Variants in PFN3 observed in about 807,000 individuals in gnomAD.
The protein encoded by PFN3 is profilin-3.
PFN3 carries 7 observed loss-of-function variants against 6.2 expected under a neutral mutation model. That is an observed-to-expected ratio of 1.13 (90% confidence interval 0.64 to 2.13). The LOEUF (loss-of-function observed/expected upper bound fraction) is 2.13. PFN3 is among the 30% of genes most tolerant of loss of function. The probability of loss-of-function intolerance (pLI) is 0.00; values close to 1 mark genes in which losing one functional copy is unlikely to be tolerated. For synonymous variants in PFN3, 112 were observed against 97.7 expected (o/e 1.15, Z -0.87); for missense variants, 251 against 209.3 (o/e 1.20, Z -1.23).
chr5:177,400,511 G>C lies in PFN3; in HGVS notation c.66C>G (p.Ile22Met). 1 of 1,596,490 alleles carries C rather than the reference G, an allele frequency of 6.3e-7. No homozygotes were observed. The highest frequency in any genetic ancestry group is 8.5e-7 in the Non-Finnish European group (1 of 1,178,782). The change falls in exon 1 of 1, where the codon ATC (isoleucine) becomes ATG (methionine). Residue 22 changes from isoleucine (I) to methionine (M), a missense_variant. By Grantham distance (10) the Ile-to-Met change is conservative (BLOSUM62 1). Coordinates refer to ENST00000358571, the MANE Select transcript of PFN3 (RefSeq NM_001029886.3). ...LRDQRIDDVAIVGHADNSCVW... is the reference protein window; with the variant it reads ...LRDQRIDDVAMVGHADNSCVW... ...CGCAGCTGTTGTCCGCATGGCCCAC[G>C]ATGGCCACGTCGTCGATGCGCTGGT...
rs761078037 is a variant in PFN3, at chr5:177,400,160, C to CGGCT, written c.413_*2dup. The CGGCT allele has an allele frequency of 3.1e-6, 5 of 1,610,744 alleles. No individual in the cohort carries two copies. In the Admixed American group the frequency reaches 5.0e-5, roughly 16 times the overall value. The stretch of plus-strand genomic sequence containing the variant: ...GCTACCAGTGGGCGGCCTGGCTGGC[C>CGGCT]GGCTAGGCGCCCTGCATGCGCAGCC... On this transcript the variant is annotated 3_prime_UTR_variant, in exon 1 of 1. Coordinates refer to ENST00000358571, the MANE Select transcript of PFN3 (RefSeq NM_001029886.3).
Position 177,400,657 on chromosome 5 carries a change from G to C in PFN3, c.-81C>G. The C allele has an allele frequency of 6.7e-7, 1 of 1,501,124 alleles. No individual in the cohort carries two copies. The highest frequency in any genetic ancestry group is 8.9e-7 in the Non-Finnish European group (1 of 1,125,606). 93.0% of individuals were successfully genotyped at this position (1,501,124 alleles called of 1,614,324 possible). ...ACGCGGGGAAGGCCTGCGGCGCTGTGAGGCAGGCTGGGCGGGGCTGTGACG... is the reference window on the plus strand; with the variant it reads ...ACGCGGGGAAGGCCTGCGGCGCTGTCAGGCAGGCTGGGCGGGGCTGTGACG... On this transcript the variant is annotated 5_prime_UTR_variant, in exon 1 of 1. Coordinates refer to ENST00000358571, the MANE Select transcript of PFN3 (RefSeq NM_001029886.3).
Position 177,400,408 on chromosome 5 carries a change from G to A in PFN3, c.169C>T (p.His57Tyr). ...CTCAGGCCCGCCTGCAGGAAGGTGT[G>A]CCTGTCCGGCCCCGTGAGCACGCCC... ...EVGVLTGPDR[H>Y]TFLQAGLSVG... The change falls in exon 1 of 1, where the codon CAC (histidine) becomes TAC (tyrosine). Residue 57 changes from histidine (H) to tyrosine (Y), a missense_variant. By Grantham distance (83) the His-to-Tyr change is moderately conservative (BLOSUM62 2). Transcript: ENST00000358571. 3 of 1,540,164 alleles carry A rather than the reference G, an allele frequency of 1.9e-6. No individual in the cohort carries two copies. The highest frequency in any genetic ancestry group is 2.6e-6 in the Non-Finnish European group (3 of 1,145,962).
In PFN3 at chr5:177,400,184, C is replaced by G. The variant is rs375629551; in HGVS notation, c.393G>C (p.Gly131=). 2 of 1,611,742 alleles carry G rather than the reference C, an allele frequency of 1.2e-6. No homozygotes were observed. The highest frequency in any genetic ancestry group is 1.7e-6 in the Non-Finnish European group (2 of 1,179,544). Residue 131 remains glycine, a synonymous_variant, in exon 1 of 1, where the codon GGG becomes GGC. Transcript: ENST00000358571. ...LNKTVHELIR[G]LRMQGA ...CCGGCTAGGCGCCCTGCATGCGCAG[C>G]CCGCGTATGAGTTCGTGCACCGTCT...
Position 177,400,520 on chromosome 5 carries a change from G to A in PFN3, c.57C>T (p.Asp19=). 6.3e-7 allele frequency: 1 copy of A among 1,596,992 alleles called. No individual in the cohort carries two copies. The highest frequency in any genetic ancestry group is 8.5e-7 in the Non-Finnish European group (1 of 1,179,044). Reference sequence around the variant, plus strand: ...TGTCCGCATGGCCCACGATGGCCACGTCGTCGATGCGCTGGTCCCGCAGCA... The same window carrying A: ...TGTCCGCATGGCCCACGATGGCCACATCGTCGATGCGCTGGTCCCGCAGCA... ...SAVLRDQRID[D]VAIVGHADNS... Residue 19 remains aspartate (D), a synonymous_variant, in exon 1 of 1, where the codon GAC becomes GAT. Transcript: ENST00000358571.
At position 177,400,159 on chromosome 5, in the gene PFN3, C is replaced by T; in HGVS notation, c.*4G>A. 6.2e-7 allele frequency: 1 copy of T among 1,610,728 alleles called. No homozygotes were observed. Among genetic ancestry groups the T allele is most frequent in the African/African-American group, 1.3e-5 (1 of 74,976 alleles). Reference sequence around the variant, plus strand: ...CGCTACCAGTGGGCGGCCTGGCTGGCCGGCTAGGCGCCCTGCATGCGCAGC... The same window carrying T: ...CGCTACCAGTGGGCGGCCTGGCTGGTCGGCTAGGCGCCCTGCATGCGCAGC... On this transcript the variant is annotated 3_prime_UTR_variant, in exon 1 of 1. Transcript: ENST00000358571.
chr5:177,400,655 G>A lies in PFN3; in HGVS notation c.-79C>T. 5 of 1,505,654 alleles carry A rather than the reference G, an allele frequency of 3.3e-6. No individual in the cohort carries two copies. Among genetic ancestry groups the A allele is most frequent in the Middle Eastern group, 2.3e-4 (1 of 4,352 alleles). The allele number at this position is 1,505,654 out of a possible 1,614,324, so 93.3% of individuals were successfully genotyped here. A position where few individuals can be genotyped will look rare whatever the true frequency, so the allele number is the denominator to read the frequency against. On this transcript the variant is annotated 5_prime_UTR_variant, in exon 1 of 1. Coordinates refer to ENST00000358571, the MANE Select transcript of PFN3 (RefSeq NM_001029886.3). ...CCACGCGGGGAAGGCCTGCGGCGCT[G>A]TGAGGCAGGCTGGGCGGGGCTGTGA...
At position 177,400,381 on chromosome 5, in the gene PFN3, C is replaced by T. The variant is rs750328302; in HGVS notation, c.196G>A (p.Val66Met). 7.6e-5 allele frequency: 117 copies of T among 1,538,254 alleles called. No individual in the cohort carries two copies. The highest frequency in any genetic ancestry group is 1.0e-4 in the Non-Finnish European group (115 of 1,143,498). Residue 66 changes from valine to methionine, a missense_variant, in exon 1 of 1, where the codon GTG becomes ATG. Val to Met is a conservative substitution (Grantham distance 21). Transcript: ENST00000358571. ...RHTFLQAGLS[V>M]GGRRCCVIRD... is the part of the protein sequence containing the mutation. Reference sequence around the variant, plus strand: ...ATGACGCAGCAGCGGCGGCCCCCCACGCTCAGGCCCGCCTGCAGGAAGGTG... The same window carrying T: ...ATGACGCAGCAGCGGCGGCCCCCCATGCTCAGGCCCGCCTGCAGGAAGGTG...
rs1443279806 is a variant in PFN3, at chr5:177,400,536, T to G, written c.41A>C (p.Asp14Ala). Residue 14 changes from aspartate to alanine, a missense_variant, in exon 1 of 1, where the codon GAC (aspartate) becomes GCC (alanine). Asp to Ala is a moderately radical substitution (Grantham distance 126). Coordinates refer to ENST00000358571, the MANE Select transcript of PFN3 (RefSeq NM_001029886.3). ...GATGGCCACGTCGTCGATGCGCTGG[T>G]CCCGCAGCACTGCACTGATGTAGAC... Reference protein sequence around the residue: ...WKVYISAVLRDQRIDDVAIVG... With the variant: ...WKVYISAVLRAQRIDDVAIVG... The G allele has an allele frequency of 1.3e-6, 2 of 1,597,400 alleles. No individual in the cohort carries two copies. The highest frequency in any genetic ancestry group is 8.5e-7 in the Non-Finnish European group (1 of 1,179,248).
In PFN3 at chr5:177,400,649, G is replaced by A. The variant is rs1763115614; in HGVS notation, c.-73C>T. 2.0e-6 allele frequency: 3 copies of A among 1,509,374 alleles called. No homozygotes were observed. Among genetic ancestry groups the A allele is most frequent in the East Asian group, 2.5e-5 (1 of 40,342 alleles). 93.5% of individuals were successfully genotyped at this position (1,509,374 alleles called of 1,614,324 possible). A position where few individuals can be genotyped will look rare whatever the true frequency, so the allele number is the denominator to read the frequency against. On this transcript the variant is annotated 5_prime_UTR_variant, in exon 1 of 1. Coordinates refer to ENST00000358571, the MANE Select transcript of PFN3 (RefSeq NM_001029886.3). The stretch of plus-strand genomic sequence containing the variant: ...GAGGCGCCACGCGGGGAAGGCCTGC[G>A]GCGCTGTGAGGCAGGCTGGGCGGGG...
In PFN3 at chr5:177,400,279, C is replaced by T. The variant is rs1396186699; in HGVS notation, c.298G>A (p.Val100Met). 8 of 1,599,732 alleles carry T rather than the reference C, an allele frequency of 5.0e-6. No homozygotes were observed. The South Asian group carries it at 5.6e-5, about 11-fold the overall frequency. Residue 100 changes from valine (V) to methionine (M), a missense_variant, in exon 1 of 1, where the codon GTG becomes ATG. Val to Met is a conservative substitution (Grantham distance 21, BLOSUM62 1). Transcript: ENST00000358571. ...TKGLDARAVCVGRAPRALLVL... is the reference protein window; with the variant it reads ...TKGLDARAVCMGRAPRALLVL... ...AGGAGCGCGCGCGGCGCACGGCCCA[C>T]GCACACGGCGCGCGCGTCCAGCCCC...
In PFN3 at chr5:177,400,258, GCGCGCGCGGCGCACGGCCCA is replaced by G. The variant is rs774927441; in HGVS notation, c.299_318del (p.Val100AlafsTer46). 9.3e-6 allele frequency: 15 copies of G among 1,608,954 alleles called. No homozygotes were observed. The highest frequency in any genetic ancestry group is 1.1e-5 in the South Asian group (1 of 90,794). ...CCGCGTCGGCCCATTAGCACCAGGA[GCGCGCGCGGCGCACGGCCCA>G]CGCACACGGCGCGCGCGTCCAGCCC... On this transcript the variant is annotated frameshift_variant, in exon 1 of 1. Transcript: ENST00000358571. LOFTEE classifies it high-confidence loss of function.
Position 177,400,474 on chromosome 5 carries a change from G to C in PFN3, c.103C>G (p.Arg35Gly). ...HADNSCVWAS[R>G]PGGLLAAISP... ...ATGGCCGCCAGCAGGCCCCCGGGCC[G>C]CGAAGCCCACACGCAGCTGTTGTCC... Residue 35 changes from arginine (R) to glycine (G), a missense_variant, in exon 1 of 1, where the codon CGG (arginine) becomes GGG (glycine). Arg to Gly is a moderately radical substitution (Grantham distance 125, BLOSUM62 -2). Transcript: ENST00000358571. The C allele has an allele frequency of 6.3e-7, 1 of 1,579,574 alleles. No individual in the cohort carries two copies. Among genetic ancestry groups the C allele is most frequent in the Non-Finnish European group, 8.5e-7 (1 of 1,170,730 alleles).
rs541500984 is a variant in PFN3, at chr5:177,400,229, T to G, written c.348A>C (p.Val116=). 17 of 1,611,836 alleles carry G rather than the reference T, an allele frequency of 1.1e-5. No homozygotes were observed. In the East Asian group the frequency reaches 3.8e-4, roughly 36 times the overall value. The part of the protein sequence containing the change: ...ALLVLMGRRG[V]HGGILNKTVH... The stretch of plus-strand genomic sequence containing the variant: ...CCGTCTTGTTGAGGATGCCCCCATG[T>G]ACGCCGCGTCGGCCCATTAGCACCA... The change falls in exon 1 of 1, where the codon GTA becomes GTC. Residue 116 remains valine (V), a synonymous_variant. Transcript: ENST00000358571.
In PFN3 at chr5:177,400,311, C is replaced by A; in HGVS notation, c.266G>T (p.Arg89Leu). 1 of 1,571,068 alleles carries A rather than the reference C, an allele frequency of 6.4e-7. No individual in the cohort carries two copies. Among genetic ancestry groups the A allele is most frequent in the Non-Finnish European group, 8.6e-7 (1 of 1,160,350 alleles). Residue 89 changes from arginine to leucine, a missense_variant, in exon 1 of 1, where the codon CGC becomes CTC. Physicochemically the swap from Arg to Leu is moderately radical, Grantham distance 102. Transcript: ENST00000358571. ...LAEGDGVLDA[R>L]TKGLDARAVC... ...GGCGCGCGCGTCCAGCCCCTTGGTG[C>A]GTGCGTCCAGCACGCCGTCACCCTC...
exon 1 of PFN3, chr5:177,400,646 TGCGGCGCTGTGAGGCAGGCTGG>T: frequency 6.6e-7 from 1 of 1,518,496 alleles, no homozygotes; most frequent in Non-Finnish European, 8.8e-7. Flanking sequence ...GGGGAAGGCC[TGCGGCGCTGTGAGGCAGGCTGG>T]GCGGGGCTGT....
Position 177,400,379 on chromosome 5 carries a change from C to A in PFN3, c.198G>T (p.Val66=). Reference sequence around the variant, plus strand: ...GGATGACGCAGCAGCGGCGGCCCCCCACGCTCAGGCCCGCCTGCAGGAAGG... The same window carrying A: ...GGATGACGCAGCAGCGGCGGCCCCCAACGCTCAGGCCCGCCTGCAGGAAGG... ...RHTFLQAGLS[V]GGRRCCVIRD... is the part of the protein sequence containing the mutation. The change falls in exon 1 of 1, where the codon GTG becomes GTT. Residue 66 remains valine, a synonymous_variant. Coordinates refer to ENST00000358571, the MANE Select transcript of PFN3 (RefSeq NM_001029886.3). 1.3e-6 allele frequency: 2 copies of A among 1,538,998 alleles called. No homozygotes were observed. The highest frequency in any genetic ancestry group is 2.5e-5 in the East Asian group (1 of 40,244).
Position 177,400,414 on chromosome 5 carries a change from C to A in PFN3, c.163G>T (p.Asp55Tyr). Residue 55 changes from aspartate (D) to tyrosine (Y), a missense_variant, in exon 1 of 1, where the codon GAC becomes TAC. Coordinates refer to ENST00000358571, the MANE Select transcript of PFN3 (RefSeq NM_001029886.3). ...CCCGCCTGCAGGAAGGTGTGCCTGTCCGGCCCCGTGAGCACGCCCACCTCC... is the reference window on the plus strand; with the variant it reads ...CCCGCCTGCAGGAAGGTGTGCCTGTACGGCCCCGTGAGCACGCCCACCTCC... Reference protein sequence around the residue: ...PQEVGVLTGPDRHTFLQAGLS... With the variant: ...PQEVGVLTGPYRHTFLQAGLS... 6.5e-7 allele frequency: 1 copy of A among 1,541,024 alleles called. No individual in the cohort carries two copies. The highest frequency in any genetic ancestry group is 8.7e-7 in the Non-Finnish European group (1 of 1,146,846).
rs750187687 is a variant in PFN3 at position 177,400,266 on chromosome 5, G to A, written c.311C>T (p.Pro104Leu). ...DARAVCVGRA[P>L]RALLVLMGRR... ...GCCCATTAGCACCAGGAGCGCGCGC[G>A]GCGCACGGCCCACGCACACGGCGCG... Residue 104 changes from proline to leucine, a missense_variant, in exon 1 of 1, where the codon CCG becomes CTG. Pro to Leu is a moderately conservative substitution (Grantham distance 98, BLOSUM62 -3). Coordinates refer to ENST00000358571, the MANE Select transcript of PFN3 (RefSeq NM_001029886.3). The A allele has an allele frequency of 2.5e-6, 4 of 1,607,378 alleles. No homozygotes were observed. The highest frequency in any genetic ancestry group is 3.4e-6 in the Non-Finnish European group (4 of 1,177,468).
Sources: allele counts gnomAD v4.1 joint callset, GRCh38; gene constraint gnomAD v4.1.1; transcripts MANE v1.5; gene names NCBI Gene and HGNC (gene_info 2026-07-23, HGNC 2026-07-21).